CNTN4: variants seen among roughly 807,000 people sequenced by gnomAD.
CNTN4 encodes the protein contactin 4.
Under a neutral mutation model 122.5 loss-of-function variants are expected in CNTN4, and 77 were observed. The ratio of observed to expected loss-of-function variants is 0.63; its 90% CI spans 0.52 to 0.76. CNTN4 has a LOEUF of 0.76. Among genes scored for constraint, CNTN4 ranks in the 30% least tolerant of loss-of-function variants. The probability of loss-of-function intolerance (pLI) is 0.00; values close to 1 mark genes in which losing one functional copy is unlikely to be tolerated. For missense variants in CNTN4, 1,256 were observed against 1,259.1 expected, an observed-to-expected ratio of 1.00 and a Z score of 0.04; for synonymous variants, 512 against 447.0, an observed-to-expected ratio of 1.15 and a Z score of -1.83.
intron 6 of CNTN4, among the ~76,000 whole-genome samples, chr3:2,760,097 G>A (rs941558632): frequency 6.6e-5 from 10 of 152,012 alleles, no homozygotes; most frequent in Non-Finnish European, 1.2e-4. Context: ...TCAAATATAC[G>A]ATTTGTAAAT....
At chr3:2,419,309 T>C (rs979718048) in intron 3 of CNTN4, among the ~76,000 whole-genome samples, 1 of 152,180 alleles carries the variant, frequency 6.6e-6, no homozygotes, top group Non-Finnish European at 1.5e-5. Flanking sequence ...TTCAACTTTA[T>C]TAAGACTTTA....
rs143269055 is a variant in CNTN4, at chr3:2,666,372, T to C, written c.56-69843T>C. ...TTCAAATAGGTCATTATAAGTAAGATCTGATTTTGAACTGGTATTAAGAAA... is the reference window on the plus strand; with the variant it reads ...TTCAAATAGGTCATTATAAGTAAGACCTGATTTTGAACTGGTATTAAGAAA... On this transcript the variant is annotated intron_variant, in intron 4 of 24. Coordinates refer to ENST00000418658, the MANE Select transcript of CNTN4 (RefSeq NM_175607.3). 1.8e-3 allele frequency among the ~76,000 whole-genome samples: 277 copies of C among 152,244 alleles called. 5 individuals carry two copies. The highest frequency in any genetic ancestry group is 6.4e-3 in the African/African-American group (267 of 41,560).
At chr3:2,857,887 C>T (rs1274235062) in intron 7 of CNTN4, among the ~76,000 whole-genome samples, 3 of 152,178 alleles carry the variant, frequency 2.0e-5, no homozygotes, top group Non-Finnish European at 4.4e-5. Flanking sequence ...CATCAAAATA[C>T]TCATATTAGC....
chr3:2,688,571 G>A (rs1246920102), intron 4 of CNTN4, among the ~76,000 whole-genome samples: 1 of 152,198 alleles, frequency 6.6e-6, no homozygotes, highest in African/African-American at 2.4e-5. Context: ...TCCTGTTATT[G>A]GACAAGGCCC....
intron 4 of CNTN4, among the ~76,000 whole-genome samples, chr3:2,670,660 C>T (rs4446190): frequency 6.6e-6 from 1 of 151,958 alleles, no homozygotes; most frequent in African/African-American, 2.4e-5. Flanking sequence ...TTAGTTTGCT[C>T]AGTAGTTGAT....
chr3:2,312,591 A>G (rs1575344961), intron 2 of CNTN4, among the ~76,000 whole-genome samples: 1 of 152,084 alleles, frequency 6.6e-6, no homozygotes, highest in East Asian at 1.9e-4. Flanking sequence ...TCTCTATGTG[A>G]CATCCATTGT....
intron 14 of CNTN4, among the ~76,000 whole-genome samples, chr3:2,993,036 G>A (rs1695194285): frequency 6.6e-6 from 1 of 152,058 alleles, no homozygotes; most frequent in Non-Finnish European, 1.5e-5. Context: ...ATTTTCAGGG[G>A]TTTCACACTA....
At chr3:2,437,650 C>G (rs1191715169) in intron 3 of CNTN4, among the ~76,000 whole-genome samples, 2 of 152,168 alleles carry the variant, frequency 1.3e-5, no homozygotes, top group Non-Finnish European at 2.9e-5. Context: ...CTCAACCATT[C>G]TGATGGAAAA....
At chr3:2,464,807 A>G (rs537946955) in intron 3 of CNTN4, among the ~76,000 whole-genome samples, 31 of 152,354 alleles carry the variant, frequency 2.0e-4, no homozygotes, top group African/African-American at 7.2e-4. Flanking sequence ...GCAGAAGGCC[A>G]GGACTGAGGT....
intron 3 of CNTN4, among the ~76,000 whole-genome samples, chr3:2,351,322 G>A (rs966751118): frequency 2.6e-5 from 4 of 152,140 alleles, no homozygotes; most frequent in African/African-American, 7.2e-5. Flanking sequence ...AAACTTAGGC[G>A]CAGAAATGTT....
intron 4 of CNTN4, among the ~76,000 whole-genome samples, chr3:2,643,935 G>A (rs889026105): frequency 3.3e-5 from 5 of 152,122 alleles, no homozygotes; most frequent in East Asian, 3.9e-4. Context: ...AGATTTAAAC[G>A]CATTTTCTCC....
At chr3:2,786,003 G>A (rs990710987) in intron 6 of CNTN4, among the ~76,000 whole-genome samples, 1 of 151,340 alleles carries the variant, frequency 6.6e-6, no homozygotes. Flanking sequence ...GAGAGGTGAA[G>A]AACCAGCTGG....
intron 4 of CNTN4, among the ~76,000 whole-genome samples, chr3:2,573,805 T>TAGA (rs2079535189): frequency 6.6e-6 from 1 of 152,246 alleles, no homozygotes; most frequent in African/African-American, 2.4e-5. Context: ...AATATTCTCT[T>TAGA]ACCATATGCC....
chr3:2,781,890 AT>A lies in CNTN4; in HGVS notation c.358+36199del, dbSNP rs373125249. Among the ~76,000 whole-genome samples the A allele has an allele frequency of 4.6e-4, 53 of 114,726 alleles. 6 individuals carry two copies. The highest frequency in any genetic ancestry group is 6.9e-4 in the Non-Finnish European group (38 of 54,768). The allele number at this position is 114,726 out of a possible 152,430, so 75.3% of individuals were successfully genotyped here. Reference sequence around the variant, plus strand: ...CAGGCGCCCGCACCACGCCCGGCTAATTTTTTGTATTTTTAGTAGAGACGGG... The same window carrying A: ...CAGGCGCCCGCACCACGCCCGGCTAATTTTTGTATTTTTAGTAGAGACGGG... On this transcript the variant is annotated intron_variant, in intron 6 of 24. Transcript: ENST00000418658.
At chr3:3,004,101 A>G (rs992896655) in intron 14 of CNTN4, among the ~76,000 whole-genome samples, 2 of 151,980 alleles carry the variant, frequency 1.3e-5, no homozygotes, top group African/African-American at 2.4e-5. Flanking sequence ...TGTTATATGT[A>G]TTATATCTTC....
intron 3 of CNTN4, among the ~76,000 whole-genome samples, chr3:2,521,553 TACA>T (rs1176902451): frequency 6.6e-6 from 1 of 152,120 alleles, no homozygotes; most frequent in African/African-American, 2.4e-5. Flanking sequence ...GAACAAGTTT[TACA>T]ACTGCAAAGT....
chr3:2,570,745 A>ACT (rs1394811953), intron 3 of CNTN4, among the ~76,000 whole-genome samples: 1 of 152,106 alleles, frequency 6.6e-6, no homozygotes. Context: ...GCCTCTCTTC[A>ACT]CTGCAGAATT....
At chr3:2,824,334 A>G (rs2092940538) in intron 7 of CNTN4, among the ~76,000 whole-genome samples, 1 of 152,088 alleles carries the variant, frequency 6.6e-6, no homozygotes, top group Admixed American at 6.5e-5. Flanking sequence ...GTGTGCGCCT[A>G]TAATCCCAGC....
At position 2,538,817 on chromosome 3, in the gene CNTN4, T is replaced by G. The variant is rs568267339; in HGVS notation, c.-88-32599T>G. ...CTAGTTTTCACCAATGTGCATGTAT[T>G]TTATCTATTTCTAATATACATATAT... On this transcript the variant is annotated intron_variant, in intron 3 of 24. Transcript: ENST00000418658. Among the ~76,000 whole-genome samples, 477 of 151,974 alleles carry G rather than the reference T, an allele frequency of 3.1e-3. 1 individual carries two copies. The highest frequency in any genetic ancestry group is 0.011 in the African/African-American group (468 of 41,518).
Sources: allele counts gnomAD v4.1 joint callset (sites outside exome capture counted in the v4.1 genomes callset), GRCh38; gene constraint gnomAD v4.1.1; transcripts MANE v1.5; gene names NCBI Gene and HGNC (gene_info 2026-07-23, HGNC 2026-07-21).